HCRTR2: variants seen among roughly 807,000 people sequenced by gnomAD.
HCRTR2 encodes orexin receptor type 2.
In HCRTR2, 22 loss-of-function variants were observed where a neutral mutation model predicts 49.0. The observed-to-expected ratio is 0.45, with a 90% CI of 0.32 to 0.64. The LOEUF is 0.64. Ranked by LOEUF, HCRTR2 falls within the 30% of genes least tolerant of loss-of-function variation. HCRTR2 has a pLI of 0.04. For missense variants in HCRTR2, 491 were observed against 559.4 expected (o/e 0.88, Z 1.23); for synonymous variants, 236 against 205.3 (o/e 1.15, Z -1.28).
intron 1 of HCRTR2, among the ~76,000 whole-genome samples, chr6:55,122,464 T>A (rs1417604679): frequency 6.6e-6 from 1 of 152,156 alleles, no homozygotes; most frequent in African/African-American, 2.4e-5. Flanking sequence ...TCTATCTCCT[T>A]CAGTTCTGCT....
chr6:55,260,712 G>C (rs1766738342), intron 3 of HCRTR2, among the ~76,000 whole-genome samples: 1 of 152,146 alleles, frequency 6.6e-6, no homozygotes, highest in African/African-American at 2.4e-5. Flanking sequence ...AACTGCATCT[G>C]AAAGACAGCC....
chr6:55,224,020 C>A (rs899988741), intron 1 of HCRTR2, among the ~76,000 whole-genome samples: 1 of 152,112 alleles, frequency 6.6e-6, no homozygotes, highest in Non-Finnish European at 1.5e-5. Flanking sequence ...CAGTTGCTGA[C>A]ATTTTTTCAA....
chr6:55,151,925 A>C (rs989717455), intron 1 of HCRTR2, among the ~76,000 whole-genome samples: 3 of 151,950 alleles, frequency 2.0e-5, no homozygotes, highest in African/African-American at 7.2e-5. Flanking sequence ...TAGCCAGTGC[A>C]TTTTCAATGA....
At chr6:55,199,387 A>T (rs1176694757) in intron 1 of HCRTR2, among the ~76,000 whole-genome samples, 1 of 152,100 alleles carries the variant, frequency 6.6e-6, no homozygotes, top group Non-Finnish European at 1.5e-5. Flanking sequence ...AGGAATGTAA[A>T]TGGTGGTCTT....
chr6:55,267,658 A>T (rs751654780), intron 4 of HCRTR2, among the ~76,000 whole-genome samples: 2 of 152,122 alleles, frequency 1.3e-5, no homozygotes, highest in Admixed American at 6.6e-5. Context: ...GATGGACTGT[A>T]ATAGATATTT....
chr6:55,168,949 A>C (rs184722767), intron 1 of HCRTR2, among the ~76,000 whole-genome samples: 38 of 151,418 alleles, frequency 2.5e-4, no homozygotes, highest in African/African-American at 9.2e-4. Context: ...TCTGGCACCA[A>C]CTCCCTCTCT....
intron 1 of HCRTR2, among the ~76,000 whole-genome samples, chr6:55,131,386 C>T (rs1764353093): frequency 6.6e-6 from 1 of 151,754 alleles, no homozygotes; most frequent in Non-Finnish European, 1.5e-5. Flanking sequence ...AGATGTTCCT[C>T]AGAAGGTCCA....
At chr6:55,239,839 A>G (rs1378907915) in intron 1 of HCRTR2, among the ~76,000 whole-genome samples, 1 of 137,834 alleles carries the variant, frequency 7.3e-6, no homozygotes, top group Non-Finnish European at 1.5e-5. Flanking sequence ...GCACAGTGGC[A>G]CGATCTCGGC....
chr6:55,256,371 TC>T (rs1250984016), intron 3 of HCRTR2, among the ~76,000 whole-genome samples: 2 of 152,094 alleles, frequency 1.3e-5, no homozygotes, highest in Non-Finnish European at 2.9e-5. Flanking sequence ...AATATTGTAA[TC>T]TTTGAATTTC....
At chr6:55,185,202 A>G (rs962984821) in intron 1 of HCRTR2, among the ~76,000 whole-genome samples, 3 of 152,212 alleles carry the variant, frequency 2.0e-5, no homozygotes, top group African/African-American at 7.2e-5. Context: ...AAAATACATT[A>G]ACAAATCTTA....
At chr6:55,150,334 ATTG>A (rs1329459360) in intron 1 of HCRTR2, among the ~76,000 whole-genome samples, 1 of 151,268 alleles carries the variant, frequency 6.6e-6, no homozygotes, top group African/African-American at 2.4e-5. Context: ...TATTATTATT[ATTG>A]GTGTGATAAG....
At chr6:55,121,820 C>G (rs1399571863) in intron 1 of HCRTR2, among the ~76,000 whole-genome samples, 1 of 152,136 alleles carries the variant, frequency 6.6e-6, no homozygotes, top group Non-Finnish European at 1.5e-5. Context: ...CCCACTTGAT[C>G]ATGCTGGATA....
intron 1 of HCRTR2, among the ~76,000 whole-genome samples, chr6:55,231,968 T>C (rs1256274768): frequency 6.6e-6 from 1 of 152,162 alleles, no homozygotes; most frequent in Non-Finnish European, 1.5e-5. Context: ...CTGTGATCAG[T>C]CTCTCCGTTT....
chr6:55,231,497 A>G (rs1320992003), intron 1 of HCRTR2, among the ~76,000 whole-genome samples: 1 of 151,878 alleles, frequency 6.6e-6, no homozygotes, highest in Non-Finnish European at 1.5e-5. Context: ...AATTTTAACT[A>G]TGGAAAGTAC....
chr6:55,198,585 A>T (rs1264605431), intron 1 of HCRTR2, among the ~76,000 whole-genome samples: 2 of 152,060 alleles, frequency 1.3e-5, no homozygotes, highest in East Asian at 3.9e-4. Flanking sequence ...TCTTTGCTTC[A>T]CTCTCATCCA....
At chr6:55,164,771 T>TA (rs34910792) in intron 1 of HCRTR2, among the ~76,000 whole-genome samples, 26,178 of 148,474 alleles carry the variant, frequency 0.18, 2,542 homozygotes, top group Non-Finnish European at 0.23. Flanking sequence ...CTTAAAGTAT[T>TA]AAAAAAAAAA....
chr6:55,283,099 A>G (rs1248946011), downstream of HCRTR2, among the ~76,000 whole-genome samples: 1 of 152,248 alleles, frequency 6.6e-6, no homozygotes, highest in African/African-American at 2.4e-5. Flanking sequence ...CTATCACAGT[A>G]AAAGTTTTAA....
intron 1 of HCRTR2, among the ~76,000 whole-genome samples, chr6:55,206,422 T>A (rs1765602451): frequency 6.6e-6 from 1 of 152,058 alleles, no homozygotes; most frequent in South Asian, 2.1e-4. Context: ...ATTACACCTA[T>A]TTATAGTTAT....
chr6:55,115,169 A>T (rs534364011), intron 1 of HCRTR2, among the ~76,000 whole-genome samples: 1 of 151,722 alleles, frequency 6.6e-6, no homozygotes, highest in African/African-American at 2.4e-5. Context: ...TCATTCAAAC[A>T]TTTCTATCTT....
Sources: allele counts gnomAD v4.1 joint callset (sites outside exome capture counted in the v4.1 genomes callset), GRCh38; gene constraint gnomAD v4.1.1; transcripts MANE v1.5; gene names NCBI Gene and HGNC (gene_info 2026-07-23, HGNC 2026-07-21).